NRG3: variants seen among roughly 807,000 people sequenced by gnomAD.
The protein encoded by NRG3 is neuregulin 3.
A neutral mutation model predicts 66.9 loss-of-function variants in NRG3; 31 were observed. That is an observed-to-expected ratio of 0.46 (90% CI 0.35 to 0.63). The LOEUF is 0.63. Ranked by LOEUF, NRG3 falls within the 20% of genes least tolerant of loss-of-function variation. NRG3 has a pLI of 0.00. For missense variants in NRG3, 910 were observed against 878.9 expected (o/e 1.04, Z -0.45); for synonymous variants, 393 against 359.4 (o/e 1.09, Z -1.06).
intron 2 of NRG3, among the ~76,000 whole-genome samples, chr10:82,361,085 T>A (rs1169211038): frequency 6.6e-6 from 1 of 152,244 alleles, no homozygotes; most frequent in Non-Finnish European, 1.5e-5. Context: ...TTTTTGTAGA[T>A]AAATTCAGTC....
chr10:82,327,384 A>G (rs2081927869), intron 1 of NRG3, among the ~76,000 whole-genome samples: 1 of 152,210 alleles, frequency 6.6e-6, no homozygotes, highest in African/African-American at 2.4e-5. Context: ...TTCAGTGTGG[A>G]GATAACTGTG....
chr10:82,569,663 T>C (rs2045612378), intron 2 of NRG3, among the ~76,000 whole-genome samples: 1 of 151,742 alleles, frequency 6.6e-6, no homozygotes, highest in African/African-American at 2.4e-5. Context: ...TTTCTGCCTA[T>C]GTCTCCTTTA....
At chr10:82,916,883 T>G (rs1211502888) in intron 4 of NRG3, among the ~76,000 whole-genome samples, 1 of 152,218 alleles carries the variant, frequency 6.6e-6, no homozygotes, top group Non-Finnish European at 1.5e-5. Context: ...CCCAAAGTGC[T>G]GGGATTACAG....
rs569289450 is a variant in NRG3, at chr10:82,233,821, C to T, written c.824-124918C>T. On this transcript the variant is annotated intron_variant, in intron 1 of 8. Coordinates refer to ENST00000372141, the MANE Select transcript of NRG3 (RefSeq NM_001010848.4). ...TCCCACAAGCACCTACTTACACCCA[C>T]ATTTAAGAACCTTTTAACCATCTAC... Among the ~76,000 whole-genome samples, 6 of 152,282 alleles carry T rather than the reference C, an allele frequency of 3.9e-5. No individual in the cohort carries two copies. In the East Asian group the frequency reaches 5.8e-4, roughly 15 times the overall value.
intron 1 of NRG3, among the ~76,000 whole-genome samples, chr10:82,001,380 A>G (rs1473413283): frequency 2.0e-5 from 3 of 151,996 alleles, no homozygotes; most frequent in South Asian, 2.1e-4. Context: ...GTGGGCATCC[A>G]TAATCCCCGC....
chr10:81,894,720 C>T (rs560639032), intron 1 of NRG3, among the ~76,000 whole-genome samples: 1 of 152,304 alleles, frequency 6.6e-6, no homozygotes, highest in South Asian at 2.1e-4. Context: ...CCCGCTGCTA[C>T]CCCACATCCT....
At chr10:82,282,572 G>A (rs2134460345) in intron 1 of NRG3, among the ~76,000 whole-genome samples, 1 of 152,284 alleles carries the variant, frequency 6.6e-6, no homozygotes, top group East Asian at 1.9e-4. Flanking sequence ...CATGTGACCA[G>A]CCAAGTTGAT....
chr10:82,034,388 A>G (rs898134188), intron 1 of NRG3, among the ~76,000 whole-genome samples: 3 of 152,142 alleles, frequency 2.0e-5, no homozygotes, highest in Admixed American at 6.6e-5. Flanking sequence ...AAACCGCAAG[A>G]TGCATCCTGC....
chr10:82,498,222 GA>G (rs923092387), intron 2 of NRG3, among the ~76,000 whole-genome samples: 1 of 150,538 alleles, frequency 6.6e-6, no homozygotes, highest in East Asian at 1.9e-4. Flanking sequence ...TGTTTGCTGT[GA>G]AAAAAAATCC....
intron 3 of NRG3, among the ~76,000 whole-genome samples, chr10:82,749,100 C>T (rs558294064): frequency 6.6e-6 from 1 of 151,958 alleles, no homozygotes; most frequent in Non-Finnish European, 1.5e-5. Context: ...AACTTGAGGG[C>T]TTGGAGAGAG....
chr10:82,871,809 A>G lies in NRG3; in HGVS notation c.1054+6372A>G, dbSNP rs73309509. Among the ~76,000 whole-genome samples the G allele has an allele frequency of 4.9e-3, 738 of 152,154 alleles. 11 individuals are homozygous for G. Among genetic ancestry groups the G allele is most frequent in the African/African-American group, 0.017 (706 of 41,544 alleles). ...ATAATCATTTATTTGTTATAGGAAT[A>G]TTTTTAATTTTTAATTTTTGTTAAC... On this transcript the variant is annotated intron_variant, in intron 4 of 8. Coordinates refer to ENST00000372141, the MANE Select transcript of NRG3 (RefSeq NM_001010848.4).
At chr10:82,810,535 G>C (rs1437782762) in intron 3 of NRG3, among the ~76,000 whole-genome samples, 1 of 152,098 alleles carries the variant, frequency 6.6e-6, no homozygotes, top group Admixed American at 6.6e-5. Context: ...GGCCGAGGCA[G>C]GTGGATCACC....
At chr10:82,566,323 T>C (rs2045400630) in intron 2 of NRG3, among the ~76,000 whole-genome samples, 2 of 152,122 alleles carry the variant, frequency 1.3e-5, no homozygotes, top group Admixed American at 1.3e-4. Context: ...GGTGGATGTA[T>C]GCAATGTATT....
intron 1 of NRG3, among the ~76,000 whole-genome samples, chr10:82,142,819 G>T (rs1236826138): frequency 2.2e-5 from 3 of 138,474 alleles, no homozygotes; most frequent in Non-Finnish European, 4.6e-5. Flanking sequence ...TCTCCAGGCT[G>T]GAATGCAGTG....
At chr10:82,661,926 AC>A (rs1175344252) in intron 2 of NRG3, among the ~76,000 whole-genome samples, 1 of 152,140 alleles carries the variant, frequency 6.6e-6, no homozygotes, top group Non-Finnish European at 1.5e-5. Context: ...AGATCTACAG[AC>A]GCCTCATCAG....
At chr10:82,173,625 A>G (rs988275266) in intron 1 of NRG3, among the ~76,000 whole-genome samples, 1 of 151,892 alleles carries the variant, frequency 6.6e-6, no homozygotes, top group African/African-American at 2.4e-5. Flanking sequence ...ATAGGAGCCA[A>G]GAGACCTAGA....
At chr10:82,884,763 C>T (rs1008579292) in intron 4 of NRG3, among the ~76,000 whole-genome samples, 1 of 152,176 alleles carries the variant, frequency 6.6e-6, no homozygotes, top group African/African-American at 2.4e-5. Flanking sequence ...ACTGCAAAGA[C>T]ATGAATGATG....
chr10:82,750,892 G>A (rs1277761604), intron 3 of NRG3, among the ~76,000 whole-genome samples: 1 of 152,056 alleles, frequency 6.6e-6, no homozygotes, highest in African/African-American at 2.4e-5. Context: ...TTCATTAAGT[G>A]TCATGACAAG....
intron 4 of NRG3, among the ~76,000 whole-genome samples, chr10:82,915,195 A>G (rs1319836491): frequency 6.6e-6 from 1 of 152,092 alleles, no homozygotes; most frequent in African/African-American, 2.4e-5. Flanking sequence ...GTAATCTATA[A>G]CTGTATTTAT....
Sources: allele counts gnomAD v4.1 joint callset (sites outside exome capture counted in the v4.1 genomes callset), GRCh38; gene constraint gnomAD v4.1.1; transcripts MANE v1.5; gene names NCBI Gene and HGNC (gene_info 2026-07-23, HGNC 2026-07-21).